The following DOCK5 variants were observed in gnomAD, a reference collection of about 807,000 sequenced individuals.
The protein encoded by DOCK5 is dedicator of cytokinesis 5.
Under a neutral mutation model 251.8 loss-of-function variants are expected in DOCK5, and 142 were observed. That is an observed-to-expected ratio of 0.56 (90% CI 0.49 to 0.65). The LOEUF (loss-of-function observed/expected upper bound fraction) is 0.65, where lower values mean the gene tolerates loss of function less well. DOCK5 is among the 30% of genes least tolerant of loss of function. DOCK5 has a pLI of 0.00. For missense variants in DOCK5, 2,111 were observed against 2,312.3 expected (o/e 0.91, Z 1.79); for synonymous variants, 842 against 835.5 (o/e 1.01, Z -0.13).
At chr8:25,296,701 G>C in intron 7 of DOCK5, 53 bp downstream of exon 7, 1 of 1,591,480 alleles carries the variant, frequency 6.3e-7, no homozygotes, top group East Asian at 2.3e-5. Context: ...TTTTTGCCTT[G>C]GTTTTTAATG....
Position 25,245,432 on chromosome 8 carries a change from G to A in DOCK5, c.127+1675G>A, listed in dbSNP as rs1034864612. ...TTAATTCACTTTGTCTAGCCTCAATGGATGCATATTTTCCTATTGTGCAGG... is the reference window on the plus strand; with the variant it reads ...TTAATTCACTTTGTCTAGCCTCAATAGATGCATATTTTCCTATTGTGCAGG... On this transcript the variant is annotated intron_variant, in intron 2 of 51. Transcript: ENST00000276440. 2.0e-5 allele frequency among the ~76,000 whole-genome samples: 3 copies of A among 152,012 alleles called. No homozygotes were observed. The East Asian group carries it at 5.8e-4, about 29-fold the overall frequency.
At chr8:25,393,810 C>A (rs1801300653) in intron 44 of DOCK5, among the ~76,000 whole-genome samples, 1 of 152,216 alleles carries the variant, frequency 6.6e-6, no homozygotes, top group South Asian at 2.1e-4. Context: ...CCATCAGCTC[C>A]TCCAAGCCAT....
At chr8:25,192,676 T>G (rs1801614962) in intron 1 of DOCK5, among the ~76,000 whole-genome samples, 1 of 152,042 alleles carries the variant, frequency 6.6e-6, no homozygotes, top group Non-Finnish European at 1.5e-5. Context: ...TGGCTAATTT[T>G]TGTTGTTGTT....
At chr8:25,316,099 T>A (rs1805242120) in intron 13 of DOCK5, among the ~76,000 whole-genome samples, 2 of 152,090 alleles carry the variant, frequency 1.3e-5, no homozygotes, top group South Asian at 2.1e-4. Flanking sequence ...TTAATTAAAA[T>A]TTTTTTTGCT....
At chr8:25,317,158 CT>C (rs748588867) in intron 14 of DOCK5, 27 bp downstream of exon 14, 1 of 1,608,092 alleles carries the variant, frequency 6.2e-7, no homozygotes, top group African/African-American at 1.3e-5. Context: ...AGAAATCCTG[CT>C]ACCATCGCAT....
At chr8:25,400,399 G>A (rs964180285) in intron 46 of DOCK5, among the ~76,000 whole-genome samples, 7 of 148,414 alleles carry the variant, frequency 4.7e-5, no homozygotes, top group African/African-American at 1.2e-4. Flanking sequence ...TCAGGAGGCC[G>A]AGGCAGGAGA....
At position 25,267,438 on chromosome 8, in the gene DOCK5, T is replaced by C. The variant is rs539502566; in HGVS notation, c.128-1407T>C. Among the ~76,000 whole-genome samples the C allele has an allele frequency of 2.6e-5, 4 of 152,322 alleles. No homozygotes were observed. In the East Asian group the frequency reaches 7.7e-4, roughly 29 times the overall value. ...GAATATATGCCCAAAGAAGATAAGT[T>C]CAGTTTTCTACCCATAACATGCACG... is the stretch of plus-strand genomic sequence containing the variant. On this transcript the variant is annotated intron_variant, in intron 2 of 51. Transcript: ENST00000276440.
chr8:25,360,138 G>A (rs923249665), intron 28 of DOCK5, among the ~76,000 whole-genome samples: 16 of 152,226 alleles, frequency 1.1e-4, no homozygotes, highest in African/African-American at 3.6e-4. Context: ...GTCATGCTGA[G>A]TAGATGGCCA....
At chr8:25,409,006 A>G in intron 50 of DOCK5, 66 bp downstream of exon 50, 1 of 1,601,764 alleles carries the variant, frequency 6.2e-7, no homozygotes. Context: ...GCATCTGGGC[A>G]GTTTGTAACT....
At chr8:25,325,612 AGGCTC>A (rs1805545705) in intron 18 of DOCK5, 65 bp downstream of exon 18, 7 of 1,577,160 alleles carry the variant, frequency 4.4e-6, no homozygotes, top group Non-Finnish European at 6.0e-6. Flanking sequence ...CTCCTTGGTT[AGGCTC>A]ACAGGGCTGG....
intron 2 of DOCK5, among the ~76,000 whole-genome samples, chr8:25,252,754 A>G (rs1011903922): frequency 3.3e-5 from 5 of 152,204 alleles, no homozygotes; most frequent in Admixed American, 3.3e-4. Flanking sequence ...TCTCGGATTT[A>G]ATCTTTAAAA....
chr8:25,297,246 C>G (rs1263462132), intron 7 of DOCK5, among the ~76,000 whole-genome samples: 2 of 151,634 alleles, frequency 1.3e-5, no homozygotes, highest in South Asian at 4.2e-4. Context: ...AGGCACCCAC[C>G]ACCACACCCG....
At chr8:25,345,116 A>T (rs1372443224) in intron 25 of DOCK5, among the ~76,000 whole-genome samples, 1 of 152,130 alleles carries the variant, frequency 6.6e-6, no homozygotes, top group Non-Finnish European at 1.5e-5. Flanking sequence ...GAAAAAAAAA[A>T]TGTATAACTT....
In DOCK5 at chr8:25,203,467, T is replaced by G. The variant is rs1041703519; in HGVS notation, c.43+18516T>G. 5.7e-4 allele frequency among the ~76,000 whole-genome samples: 87 copies of G among 152,248 alleles called. 1 individual carries two copies. The highest frequency in any genetic ancestry group is 2.0e-3 in the African/African-American group (83 of 41,464). On this transcript the variant is annotated intron_variant, in intron 1 of 51. Coordinates refer to ENST00000276440, the MANE Select transcript of DOCK5 (RefSeq NM_024940.8). ...AATTCTTTTCATGTTTGAGCTGTGATCTAAGCCAAGAGCCTTGGAAATTTT... is the reference window on the plus strand; with the variant it reads ...AATTCTTTTCATGTTTGAGCTGTGAGCTAAGCCAAGAGCCTTGGAAATTTT...
chr8:25,381,626 T>C (rs1330153341), intron 39 of DOCK5, among the ~76,000 whole-genome samples: 1 of 145,848 alleles, frequency 6.9e-6, no homozygotes, highest in African/African-American at 2.6e-5. Context: ...AGACCCTGTC[T>C]CAAAAAAAAA....
intron 15 of DOCK5, among the ~76,000 whole-genome samples, chr8:25,319,986 A>T (rs12546586): frequency 3.3e-5 from 5 of 152,298 alleles, no homozygotes; most frequent in East Asian, 3.9e-4. Context: ...ACATTTTTTT[A>T]TTTTTGGCCT....
At chr8:25,341,066 A>G in intron 23 of DOCK5, 78 bp downstream of exon 23, 11 of 1,023,162 alleles carry the variant, frequency 1.1e-5, no homozygotes, top group East Asian at 2.6e-5. Context: ...ATTGGCCATC[A>G]TGAGGGAGAA....
chr8:25,366,783 A>C, intron 30 of DOCK5, 87 bp from the exon 31 acceptor site: 1 of 948,200 alleles, frequency 1.1e-6, no homozygotes, highest in Non-Finnish European at 1.6e-6. Context: ...CTTGTTAATG[A>C]CTTTTTACCA....
chr8:25,411,338 C>T lies in DOCK5; in HGVS notation c.*40C>T, dbSNP rs1375911548. The T allele has an allele frequency of 2.1e-6, 3 of 1,404,936 alleles. No individual in the cohort carries two copies. Among genetic ancestry groups the T allele is most frequent in the Middle Eastern group, 1.8e-4 (1 of 5,412 alleles). 87.0% of individuals were successfully genotyped at this position (1,404,936 alleles called of 1,614,324 possible). ...CTGCAACACCGAGTGCCTTAGACAG[C>T]TGCTGCCTGAGAACTGGCCTCCAGC... On this transcript the variant is annotated 3_prime_UTR_variant, in exon 52 of 52. Coordinates refer to ENST00000276440, the MANE Select transcript of DOCK5 (RefSeq NM_024940.8).
Sources: gnomAD v4.1 joint callset for allele counts (sites outside exome capture counted in the v4.1 genomes callset) on GRCh38, gnomAD v4.1.1 for gene constraint, MANE v1.5 for transcripts, NCBI Gene and HGNC (gene_info 2026-07-23, HGNC 2026-07-21) for gene names.